PCSK5: variants seen among roughly 807,000 people sequenced by gnomAD.
PCSK5 encodes prohormone convertase 5.
PCSK5 carries 129 observed loss-of-function variants against 233.2 expected under a neutral mutation model. The observed-to-expected ratio is 0.55, with a 90% CI of 0.48 to 0.64. PCSK5 has a LOEUF of 0.64. Ranked by LOEUF, PCSK5 falls within the 30% of genes least tolerant of loss-of-function variation. PCSK5 has a pLI of 0.00. For synonymous variants in PCSK5, 825 were observed against 879.2 expected, an observed-to-expected ratio of 0.94 and a Z score of 1.09; for missense variants, 2,076 against 2,430.1, an observed-to-expected ratio of 0.85 and a Z score of 3.06.
chr9:76,336,069 T>C (rs1366418799), intron 34 of PCSK5, among the ~76,000 whole-genome samples: 1 of 152,202 alleles, frequency 6.6e-6, no homozygotes, highest in Non-Finnish European at 1.5e-5. Context: ...GTGGGCTTTG[T>C]CAACCATTCA....
At position 76,026,943 on chromosome 9, in the gene PCSK5, T is replaced by C. The variant is rs540619734; in HGVS notation, c.556-18T>C. ...AATGTCCATTTCCTTTCCCTTGCTC[T>C]CTCCTCTGTGGCCATAGGATGCTCT... On this transcript the variant is annotated intron_variant, in intron 4 of 37. Transcript: ENST00000674117. The C allele has an allele frequency of 1.9e-5, 30 of 1,582,112 alleles. No individual in the cohort carries two copies. The South Asian group carries it at 3.1e-4, about 17-fold the overall frequency.
chr9:76,097,723 C>A (rs1329191453), intron 8 of PCSK5, among the ~76,000 whole-genome samples: 1 of 152,220 alleles, frequency 6.6e-6, no homozygotes, highest in Non-Finnish European at 1.5e-5. Context: ...GGAGTCATTA[C>A]AAAATAATGA....
chr9:76,028,560 G>A (rs528316348), intron 5 of PCSK5, among the ~76,000 whole-genome samples: 12 of 152,080 alleles, frequency 7.9e-5, no homozygotes, highest in Admixed American at 1.3e-4. Context: ...CCAGATTACC[G>A]GTCTGGGTGG....
At chr9:76,157,852 G>C (rs1822666602) in intron 11 of PCSK5, among the ~76,000 whole-genome samples, 1 of 152,184 alleles carries the variant, frequency 6.6e-6, no homozygotes, top group Non-Finnish European at 1.5e-5. Flanking sequence ...AAAACAAAAG[G>C]GTGGAAAGTT....
At chr9:76,119,565 A>T (rs373056836) in intron 9 of PCSK5, among the ~76,000 whole-genome samples, 2 of 152,212 alleles carry the variant, frequency 1.3e-5, no homozygotes. Flanking sequence ...TCAGGCTAGG[A>T]AGCTCTTTCC....
intron 3 of PCSK5, among the ~76,000 whole-genome samples, chr9:76,012,126 A>G (rs1827752980): frequency 6.6e-6 from 1 of 152,222 alleles, no homozygotes; most frequent in Non-Finnish European, 1.5e-5. Context: ...TTAAAAAATA[A>G]ACACACACAC....
intron 5 of PCSK5, among the ~76,000 whole-genome samples, chr9:76,059,318 A>T (rs1435763591): frequency 1.3e-5 from 2 of 152,088 alleles, no homozygotes; most frequent in Non-Finnish European, 2.9e-5. Context: ...TTGCCTGTTC[A>T]CTCTGATGGT....
chr9:76,142,758 A>G (rs1823278375), intron 10 of PCSK5, among the ~76,000 whole-genome samples: 1 of 152,196 alleles, frequency 6.6e-6, no homozygotes, highest in Admixed American at 6.5e-5. Flanking sequence ...TAGAAATGAA[A>G]TTTGGTCTCT....
At chr9:75,939,678 A>G (rs1384328652) in intron 2 of PCSK5, among the ~76,000 whole-genome samples, 1 of 152,222 alleles carries the variant, frequency 6.6e-6, no homozygotes, top group African/African-American at 2.4e-5. Context: ...TAAAAATAAA[A>G]ACCATAAACT....
intron 3 of PCSK5, among the ~76,000 whole-genome samples, chr9:76,009,128 G>C (rs1010137969): frequency 6.6e-6 from 1 of 152,056 alleles, no homozygotes; most frequent in Non-Finnish European, 1.5e-5. Flanking sequence ...ACCTGGGATG[G>C]TGCTGAGCAA....
At chr9:75,941,744 C>T (rs933551573) in intron 2 of PCSK5, among the ~76,000 whole-genome samples, 3 of 152,124 alleles carry the variant, frequency 2.0e-5, no homozygotes, top group South Asian at 2.1e-4. Context: ...TATGGTGACA[C>T]GATGATTAGG....
intron 20 of PCSK5, among the ~76,000 whole-genome samples, chr9:76,190,020 T>A (rs1255528342): frequency 6.6e-6 from 1 of 152,174 alleles, no homozygotes; most frequent in Non-Finnish European, 1.5e-5. Context: ...AGTTTTAGAT[T>A]CATAAGCAAA....
rs762598202 is a variant in PCSK5 at position 76,338,346 on chromosome 9, G to A, written c.4865G>A (p.Arg1622His). 21 of 1,612,408 alleles carry A rather than the reference G, an allele frequency of 1.3e-5. No homozygotes were observed. Among genetic ancestry groups the A allele is most frequent in the African/African-American group, 4.0e-5 (3 of 74,904 alleles). Residue 1622 changes from arginine to histidine, a missense_variant, in exon 35 of 38, where the codon CGC becomes CAC. Physicochemically the swap from Arg to His is conservative, Grantham distance 29 (BLOSUM62 0). Coordinates refer to ENST00000674117, the MANE Select transcript of PCSK5 (RefSeq NM_001372043.1). ...LSCDRFFFLL[R>H]SKGECHRSCP... is the part of the protein sequence containing the mutation. ...TGCGATAGATTTTTCTTTCTGCTCC[G>A]CTCCAAAGGAGAGTGTCATCGCTCC...
chr9:76,175,592 T>C (rs887129668), intron 14 of PCSK5: 29 of 177,384 alleles, frequency 1.6e-4, no homozygotes, highest in Non-Finnish European at 3.0e-4. Context: ...ATTATTTCTT[T>C]AGAATAGAGT....
At chr9:75,952,903 G>A (rs113462238) in intron 2 of PCSK5, among the ~76,000 whole-genome samples, 3,720 of 152,220 alleles carry the variant, frequency 0.024, 73 homozygotes, top group Middle Eastern at 0.065. Context: ...CCACCTTTTG[G>A]TGTTTATTTG....
At chr9:76,349,816 T>C (rs867215289) in intron 35 of PCSK5, among the ~76,000 whole-genome samples, 1 of 152,206 alleles carries the variant, frequency 6.6e-6, no homozygotes, top group African/African-American at 2.4e-5. Flanking sequence ...TCCCCAAACT[T>C]TCCAGAAGTT....
At chr9:76,044,027 T>C (rs1829262217) in intron 5 of PCSK5, among the ~76,000 whole-genome samples, 1 of 152,200 alleles carries the variant, frequency 6.6e-6, no homozygotes, top group South Asian at 2.1e-4. Flanking sequence ...AAGGGTGGCT[T>C]GAAAAATGTT....
intron 10 of PCSK5, among the ~76,000 whole-genome samples, chr9:76,151,480 C>T (rs1289510046): frequency 2.0e-5 from 3 of 152,170 alleles, no homozygotes; most frequent in African/African-American, 4.8e-5. Context: ...CTCTCCCCTT[C>T]CCCTGCTGAC....
chr9:75,959,636 C>T (rs1825253351), intron 2 of PCSK5, among the ~76,000 whole-genome samples: 1 of 152,212 alleles, frequency 6.6e-6, no homozygotes, highest in African/African-American at 2.4e-5. Flanking sequence ...AGCAGTTGTA[C>T]ATACTCCAGT....
Sources: allele counts gnomAD v4.1 joint callset (sites outside exome capture counted in the v4.1 genomes callset), GRCh38; gene constraint gnomAD v4.1.1; transcripts MANE v1.5; gene names NCBI Gene and HGNC (gene_info 2026-07-23, HGNC 2026-07-21).